Variants in LATS2 observed in about 807,000 individuals in gnomAD.
LATS2 encodes serine/threonine-protein kinase LATS2.
In LATS2, 24 loss-of-function variants were observed where a neutral mutation model predicts 76.0. The ratio of observed to expected loss-of-function variants is 0.32; its 90% CI spans 0.23 to 0.44. The LOEUF (loss-of-function observed/expected upper bound fraction) is 0.44. Among genes scored for constraint, LATS2 ranks in the 20% least tolerant of loss-of-function variants. The pLI is 1.00. For synonymous variants in LATS2, 692 were observed against 635.4 expected (o/e 1.09, Z -1.34); for missense variants, 1,286 against 1,481.2 (o/e 0.87, Z 2.16).
chr13:20,988,598 C>T lies in LATS2; in HGVS notation c.1182G>A (p.Val394=). Residue 394 remains valine, a synonymous_variant, in exon 4 of 8, where the codon GTG becomes GTA. Transcript: ENST00000382592. The part of the protein sequence containing the change: ...PGLEAPPRAH[V]AFRPDCPVPS... ...GCACTGGGCAGTCAGGCCGGAAGGC[C>T]ACGTGCGCGCGCGGCGGCGCCTCCA... 13 of 1,589,666 alleles carry T rather than the reference C, an allele frequency of 8.2e-6. No homozygotes were observed. The highest frequency in any genetic ancestry group is 1.3e-5 in the African/African-American group (1 of 74,530).
intron 2 of LATS2, among the ~76,000 whole-genome samples, chr13:20,994,494 G>A (rs1870656127): frequency 1.3e-5 from 2 of 152,276 alleles, no homozygotes; most frequent in South Asian, 4.1e-4. Context: ...GTGCACAGTC[G>A]GGGGAATGGC....
chr13:20,992,691 G>C (rs879554882), intron 2 of LATS2, among the ~76,000 whole-genome samples: 1 of 152,176 alleles, frequency 6.6e-6, no homozygotes, highest in Non-Finnish European at 1.5e-5. Flanking sequence ...TGAAAATGTA[G>C]AACGGGGAGC....
chr13:20,988,290 G>T lies in LATS2; in HGVS notation c.1490C>A (p.Ala497Glu). ...CTCCACGTCCAGCGGGAAGGCGCCTGCGCCGCCCAGCGCCAGGGCATGCTC... is the reference window on the plus strand; with the variant it reads ...CTCCACGTCCAGCGGGAAGGCGCCTTCGCCGCCCAGCGCCAGGGCATGCTC... ...KEEHALALGG[A>E]GAFPLDVEYG... Residue 497 changes from alanine to glutamate, a missense_variant, in exon 4 of 8, where the codon GCA (alanine) becomes GAA (glutamate). Physicochemically the swap from Ala to Glu is moderately radical, Grantham distance 107 (BLOSUM62 -1). This residue lies in a region of LATS2 where 710 missense variants were observed against 660.9 expected (regional missense o/e 1.07). Transcript: ENST00000382592. The T allele has an allele frequency of 1.3e-6, 2 of 1,568,456 alleles. No homozygotes were observed. Among genetic ancestry groups the T allele is most frequent in the Non-Finnish European group, 1.7e-6 (2 of 1,164,984 alleles).
chr13:21,041,305 A>C (rs1420768968), intron 2 of LATS2, among the ~76,000 whole-genome samples: 1 of 152,068 alleles, frequency 6.6e-6, no homozygotes, highest in Non-Finnish European at 1.5e-5. Flanking sequence ...ATGGCCCCTG[A>C]TTCACTGAGC....
chr13:21,007,531 G>GATATATATATATAT (rs142095268), intron 2 of LATS2, among the ~76,000 whole-genome samples: 4 of 15,496 alleles, frequency 2.6e-4, no homozygotes, highest in African/African-American at 1.7e-3. Context: ...GTAGGGGATG[G>GATATATATATATAT]ATATATATAT....
chr13:21,038,183 C>G (rs2138391338), intron 2 of LATS2, among the ~76,000 whole-genome samples: 1 of 152,114 alleles, frequency 6.6e-6, no homozygotes, highest in East Asian at 1.9e-4. Flanking sequence ...AAGGGGCAAC[C>G]AGGAGCCACC....
chr13:21,018,766 G>A (rs770852020), intron 2 of LATS2, among the ~76,000 whole-genome samples: 2 of 152,038 alleles, frequency 1.3e-5, no homozygotes, highest in Admixed American at 6.6e-5. Context: ...TGATTCTCCT[G>A]CTTCAGCCTC....
intron 4 of LATS2, among the ~76,000 whole-genome samples, chr13:20,985,030 G>A (rs1384671645): frequency 3.3e-5 from 5 of 152,042 alleles, no homozygotes; most frequent in African/African-American, 4.8e-5. Context: ...TTTTGACAAC[G>A]GTGCCAAGAA....
chr13:21,018,366 A>G (rs769180944), intron 2 of LATS2, among the ~76,000 whole-genome samples: 1 of 150,222 alleles, frequency 6.7e-6, no homozygotes, highest in Non-Finnish European at 1.5e-5. Context: ...GCTACTGTCC[A>G]TCTGGCAAGA....
At chr13:20,978,687 A>C (rs7992370) in intron 7 of LATS2, among the ~76,000 whole-genome samples, 1 of 152,162 alleles carries the variant, frequency 6.6e-6, no homozygotes, top group African/African-American at 2.4e-5. Context: ...CCCACTCCAC[A>C]TGAAGATGAC....
Position 21,046,237 on chromosome 13 carries a change from AAG to A in LATS2, c.-204-9_-204-8del, listed in dbSNP as rs1479546486. The A allele has an allele frequency of 6.6e-6, 3 of 451,692 alleles. No individual in the cohort carries two copies. The East Asian group carries it at 1.0e-4, about 15-fold the overall frequency. The allele number at this position is 451,692 out of a possible 1,614,324, so 28.0% of individuals were successfully genotyped here. A position where few individuals can be genotyped will look rare whatever the true frequency, so the allele number is the denominator to read the frequency against. Reference sequence around the variant, plus strand: ...TTTTGAAGATTATCACTCTCTGAAAAAGAAAATAAATGGGAGAGAAATGTTCA... The same window carrying A: ...TTTTGAAGATTATCACTCTCTGAAAAAAAATAAATGGGAGAGAAATGTTCA... On this transcript the variant is annotated splice_region_variant and splice_polypyrimidine_tract_variant and intron_variant, in intron 1 of 7. Coordinates refer to ENST00000382592, the MANE Select transcript of LATS2 (RefSeq NM_014572.3).
At position 20,973,089 on chromosome 13, in the gene LATS2, AATGAT is replaced by A. The variant is rs1398634877; in HGVS notation, c.*1776_*1780del. Reference sequence around the variant, plus strand: ...GTGCCAGTAGAAGCTTTTCAAAGGTAATGATATATCAATAAATAATAGTTAAACTG... The same window carrying A: ...GTGCCAGTAGAAGCTTTTCAAAGGTAATATCAATAAATAATAGTTAAACTG... On this transcript the variant is annotated 3_prime_UTR_variant, in exon 8 of 8. Transcript: ENST00000382592. 5 of 227,492 alleles carry A rather than the reference AATGAT, an allele frequency of 2.2e-5. No individual in the cohort carries two copies. The highest frequency in any genetic ancestry group is 5.7e-5 in the Admixed American group (1 of 17,586). The allele number at this position is 227,492 out of a possible 1,614,324, so 14.1% of individuals were successfully genotyped here. A position where few individuals can be genotyped will look rare whatever the true frequency, so the allele number is the denominator to read the frequency against.
intron 2 of LATS2, among the ~76,000 whole-genome samples, chr13:21,043,384 C>T (rs963006867): frequency 1.3e-5 from 2 of 151,926 alleles, no homozygotes; most frequent in African/African-American, 4.8e-5. Context: ...ATCTTTTTAA[C>T]AAACTGATGC....
intron 2 of LATS2, among the ~76,000 whole-genome samples, chr13:21,016,525 C>T (rs58674288): frequency 0.01 from 1,532 of 152,296 alleles, 18 homozygotes; most frequent in African/African-American, 0.034. Flanking sequence ...AGTGATCTGC[C>T]TGCCTCGGCC....
intron 5 of LATS2, among the ~76,000 whole-genome samples, chr13:20,982,868 G>A (rs879514195): frequency 6.6e-6 from 1 of 151,502 alleles, no homozygotes; most frequent in South Asian, 2.1e-4. Flanking sequence ...GTGCGTGACT[G>A]TAATCCCGGC....
chr13:21,013,121 T>C lies in LATS2; in HGVS notation c.343-21717A>G, dbSNP rs948359135. On this transcript the variant is annotated intron_variant, in intron 2 of 7. Coordinates refer to ENST00000382592, the MANE Select transcript of LATS2 (RefSeq NM_014572.3). ...GAGCAGATGAACATCCCTGTGCTCA[T>C]GGGCATGCCACCCTGGTGCTGGGGT... 9.9e-5 allele frequency among the ~76,000 whole-genome samples: 15 copies of C among 152,268 alleles called. No individual in the cohort carries two copies. The East Asian group carries it at 2.7e-3, about 27-fold the overall frequency.
intron 5 of LATS2, among the ~76,000 whole-genome samples, chr13:20,982,695 C>A (rs553868746): frequency 1.3e-5 from 2 of 152,046 alleles, no homozygotes; most frequent in East Asian, 3.9e-4. Flanking sequence ...AGCCTACTGT[C>A]TTAAAAATAT....
At chr13:21,034,025 G>A (rs371994166) in intron 2 of LATS2, among the ~76,000 whole-genome samples, 1 of 152,166 alleles carries the variant, frequency 6.6e-6, no homozygotes, top group African/African-American at 2.4e-5. Flanking sequence ...AGTAAAGCAC[G>A]TCACAGCACC....
At chr13:20,981,427 G>A in intron 6 of LATS2, 39 bp downstream of exon 6, 1 of 1,581,448 alleles carries the variant, frequency 6.3e-7, no homozygotes, top group Non-Finnish European at 8.6e-7. Flanking sequence ...CTGAAGGGAA[G>A]GAGACCTCCT....
Sources: gnomAD v4.1 joint callset for allele counts (sites outside exome capture counted in the v4.1 genomes callset) on GRCh38, gnomAD v4.1.1 for gene constraint, gnomAD v4.1.1 regional missense constraint, MANE v1.5 for transcripts, NCBI Gene and HGNC (gene_info 2026-07-23, HGNC 2026-07-21) for gene names.